Variants in RIMS1 observed in about 807,000 individuals in gnomAD.
RIMS1 encodes the protein regulating synaptic membrane exocytosis 1.
RIMS1 carries 83 observed loss-of-function variants against 214.1 expected under a neutral mutation model. The observed-to-expected ratio is 0.39, with a 90% CI of 0.32 to 0.47. The LOEUF (loss-of-function observed/expected upper bound fraction) is 0.47. Among genes scored for constraint, RIMS1 ranks in the 20% least tolerant of loss-of-function variants. The probability of loss-of-function intolerance (pLI) is 0.99; values close to 1 mark genes in which losing one functional copy is unlikely to be tolerated. For synonymous variants in RIMS1, 793 were observed against 786.8 expected (o/e 1.01, Z -0.13); for missense variants, 2,050 against 2,161.8 (o/e 0.95, Z 1.03).
intron 2 of RIMS1, among the ~76,000 whole-genome samples, chr6:72,008,602 A>G (rs555242119): frequency 6.6e-6 from 1 of 152,338 alleles, no homozygotes; most frequent in Admixed American, 6.5e-5. Flanking sequence ...AGACACATAT[A>G]GGCTCAAAAT....
At chr6:72,200,379 T>C (rs1044069632) in intron 6 of RIMS1, among the ~76,000 whole-genome samples, 2 of 152,178 alleles carry the variant, frequency 1.3e-5, no homozygotes, top group African/African-American at 4.8e-5. Flanking sequence ...TTTTCCCTTT[T>C]ATCTACATCT....
At chr6:72,315,447 G>A (rs1459780478) in intron 28 of RIMS1, among the ~76,000 whole-genome samples, 2 of 152,008 alleles carry the variant, frequency 1.3e-5, no homozygotes, top group Non-Finnish European at 2.9e-5. Context: ...GTAAATTTAA[G>A]CACTACAGCT....
intron 19 of RIMS1, chr6:72,262,217 A>T: frequency 1.3e-6 from 1 of 795,138 alleles, no homozygotes; most frequent in Non-Finnish European, 1.5e-6. Context: ...AAAATATTAT[A>T]TACTTATATA....
At chr6:72,004,289 C>T (rs908250561) in intron 2 of RIMS1, among the ~76,000 whole-genome samples, 14 of 151,812 alleles carry the variant, frequency 9.2e-5, no homozygotes, top group Middle Eastern at 6.8e-3. Context: ...TTTGGGTTGG[C>T]TCCAAGTCTT....
rs145573451 is a variant in RIMS1, at chr6:72,015,653, G to A, written c.245+46590G>A. On this transcript the variant is annotated intron_variant, in intron 2 of 33. Transcript: ENST00000521978. ...CTTAATATGTCTCTGCTGGCCAGGC[G>A]CGGTGGCTCATGCCTGTAATCCCAG... is the stretch of plus-strand genomic sequence containing the variant. Among the ~76,000 whole-genome samples, 329 of 152,180 alleles carry A rather than the reference G, an allele frequency of 2.2e-3. 4 individuals carry two copies. Among genetic ancestry groups the A allele is most frequent in the East Asian group, 6.0e-3 (31 of 5,164 alleles).
intron 9 of RIMS1, among the ~76,000 whole-genome samples, chr6:72,239,649 C>T (rs1167543916): frequency 6.6e-6 from 1 of 152,094 alleles, no homozygotes; most frequent in Non-Finnish European, 1.5e-5. Context: ...CCAGTCCTGC[C>T]CCGCTTTAAG....
chr6:72,338,623 G>T (rs1252341824), intron 29 of RIMS1, among the ~76,000 whole-genome samples: 1 of 151,720 alleles, frequency 6.6e-6, no homozygotes, highest in African/African-American at 2.4e-5. Context: ...AAATTTACAA[G>T]AAAAAAACAA....
At chr6:71,925,901 T>C in intron 1 of RIMS1, among the ~76,000 whole-genome samples, 1 of 152,318 alleles carries the variant, frequency 6.6e-6, no homozygotes, top group Non-Finnish European at 1.5e-5. Flanking sequence ...ACAAGAAATG[T>C]TTTTACTGAA....
chr6:71,897,069 C>T (rs900305433), intron 1 of RIMS1, among the ~76,000 whole-genome samples: 9 of 152,186 alleles, frequency 5.9e-5, no homozygotes, highest in Non-Finnish European at 1.0e-4. Context: ...TCTGCCTAAA[C>T]GCAGTGTCTC....
In RIMS1 at chr6:72,290,834, C is replaced by T. The variant is rs776226425; in HGVS notation, c.3710C>T (p.Ser1237Leu). 11 of 1,612,814 alleles carry T rather than the reference C, an allele frequency of 6.8e-6. No individual in the cohort carries two copies. Among genetic ancestry groups the T allele is most frequent in the East Asian group, 2.2e-5 (1 of 44,878 alleles). The change falls in exon 25 of 34, where the codon TCG (serine) becomes TTG (leucine). Residue 1237 changes from serine to leucine, a missense_variant. Physicochemically the swap from Ser to Leu is moderately radical, Grantham distance 145. Around this residue, in one of 6 missense-constraint regions of RIMS1, gnomAD observed 889 missense variants for 885.5 expected, o/e 1.00. Coordinates refer to ENST00000521978, the MANE Select transcript of RIMS1 (RefSeq NM_014989.7). ...ATGCACCACCTTGTCCCTGGAGGGT[C>T]GGCGCCACCTTCTCCGCTTCTGACA... is the stretch of plus-strand genomic sequence containing the variant. ...CSMHHLVPGG[S>L]APPSPLLTRM...
rs1004858752 is a variant in RIMS1 at position 72,392,644 on chromosome 6, A to T, written c.4506-54A>T. 3 of 1,208,794 alleles carry T rather than the reference A, an allele frequency of 2.5e-6. No individual in the cohort carries two copies. In the African/African-American group the frequency reaches 4.4e-5, roughly 18 times the overall value. The allele number at this position is 1,208,794 out of a possible 1,614,324, so 74.9% of individuals were successfully genotyped here. On this transcript the variant is annotated intron_variant, in intron 30 of 33. Transcript: ENST00000521978. ...AGTCAAGTGGAAACTAGTGAAAAGAATTCTAGAAGATTTCATGGGTTTTTT... is the reference window on the plus strand; with the variant it reads ...AGTCAAGTGGAAACTAGTGAAAAGATTTCTAGAAGATTTCATGGGTTTTTT...
chr6:72,063,119 C>T (rs1242420906), intron 2 of RIMS1, among the ~76,000 whole-genome samples: 2 of 152,052 alleles, frequency 1.3e-5, no homozygotes, highest in Non-Finnish European at 2.9e-5. Flanking sequence ...TCCAGGAAAA[C>T]AACACTGAGG....
At chr6:72,091,340 T>G (rs927440035) in intron 2 of RIMS1, among the ~76,000 whole-genome samples, 1 of 152,314 alleles carries the variant, frequency 6.6e-6, no homozygotes, top group African/African-American at 2.4e-5. Context: ...AGATTCTCAT[T>G]ACTTTGGGAA....
chr6:71,923,856 G>A (rs1443290059), intron 1 of RIMS1, among the ~76,000 whole-genome samples: 4 of 152,140 alleles, frequency 2.6e-5, no homozygotes, highest in Non-Finnish European at 5.9e-5. Context: ...GAGCCACTGC[G>A]CCTGGCCTTT....
At chr6:71,910,197 A>T (rs1776462682) in intron 1 of RIMS1, among the ~76,000 whole-genome samples, 1 of 152,274 alleles carries the variant, frequency 6.6e-6, no homozygotes, top group East Asian at 1.9e-4. Context: ...TACCCATTTA[A>T]CGTAATGTCT....
chr6:71,927,633 T>C (rs1284655782), intron 1 of RIMS1, among the ~76,000 whole-genome samples: 6 of 152,108 alleles, frequency 3.9e-5, no homozygotes, highest in Non-Finnish European at 8.8e-5. Flanking sequence ...TATTGAATTA[T>C]ACCGAAGATT....
chr6:71,947,206 T>G (rs966077196), intron 1 of RIMS1, among the ~76,000 whole-genome samples: 1 of 152,034 alleles, frequency 6.6e-6, no homozygotes, highest in Non-Finnish European at 1.5e-5. Context: ...ATTGGATATA[T>G]ATATCCAAAA....
chr6:72,399,346 T>C (rs902653299), intron 33 of RIMS1, among the ~76,000 whole-genome samples: 1 of 152,018 alleles, frequency 6.6e-6, no homozygotes, highest in Admixed American at 6.6e-5. Flanking sequence ...TATCCTCTCC[T>C]TCTAGCTTTG....
chr6:72,183,974 T>G (rs1325228315), intron 6 of RIMS1, among the ~76,000 whole-genome samples: 1 of 152,178 alleles, frequency 6.6e-6, no homozygotes, highest in Non-Finnish European at 1.5e-5. Context: ...CGGTATTAAA[T>G]CATAGCTGCA....
Sources: gnomAD v4.1 joint callset for allele counts (sites outside exome capture counted in the v4.1 genomes callset) on GRCh38, gnomAD v4.1.1 for gene constraint, gnomAD v4.1.1 regional missense constraint, MANE v1.5 for transcripts, NCBI Gene and HGNC (gene_info 2026-07-23, HGNC 2026-07-21) for gene names.